Variants in HPSE2 observed in about 807,000 individuals in gnomAD.
HPSE2 encodes heparanase 2 (inactive).
A neutral mutation model predicts 60.5 loss-of-function variants in HPSE2; 38 were observed. The observed-to-expected ratio is 0.63, with a 90% confidence interval of 0.48 to 0.82. HPSE2 has a LOEUF of 0.82. Among genes scored for constraint, HPSE2 ranks in the 40% least tolerant of loss-of-function variants. The probability of loss-of-function intolerance (pLI) is 0.00; values close to 1 mark genes in which losing one functional copy is unlikely to be tolerated. For synonymous variants in HPSE2, 295 were observed against 293.2 expected (o/e 1.01, Z -0.06); for missense variants, 713 against 740.4 (o/e 0.96, Z 0.43).
chr10:98,745,544 A>G (rs982311259), intron 3 of HPSE2, among the ~76,000 whole-genome samples: 1 of 152,140 alleles, frequency 6.6e-6, no homozygotes, highest in Non-Finnish European at 1.5e-5. Context: ...AGGCCTCCCT[A>G]TTTCTCTTAA....
chr10:98,540,798 A>C (rs534706838), intron 9 of HPSE2, among the ~76,000 whole-genome samples: 1 of 152,206 alleles, frequency 6.6e-6, no homozygotes, highest in Non-Finnish European at 1.5e-5. Context: ...AGGAAACAGC[A>C]AATTTGAAGT....
At chr10:98,902,245 T>G (rs1190990142) in intron 3 of HPSE2, among the ~76,000 whole-genome samples, 2 of 152,136 alleles carry the variant, frequency 1.3e-5, no homozygotes, top group Non-Finnish European at 2.9e-5. Context: ...AGGAGGTATA[T>G]GAATAAAGGT....
intron 3 of HPSE2, among the ~76,000 whole-genome samples, chr10:99,076,261 A>C (rs1328196181): frequency 6.6e-6 from 1 of 152,086 alleles, no homozygotes; most frequent in African/African-American, 2.4e-5. Context: ...AATATCTTAT[A>C]GTTACAATAA....
At chr10:98,854,307 A>G (rs1952254577) in intron 3 of HPSE2, among the ~76,000 whole-genome samples, 1 of 152,322 alleles carries the variant, frequency 6.6e-6, no homozygotes, top group African/African-American at 2.4e-5. Context: ...AAGAGATTCA[A>G]TTATGAATTG....
chr10:98,604,553 G>A (rs961432615), intron 9 of HPSE2, among the ~76,000 whole-genome samples: 7 of 151,938 alleles, frequency 4.6e-5, no homozygotes, highest in South Asian at 2.1e-4. Context: ...GAAAGGAATC[G>A]AAGAAATAAT....
chr10:98,468,144 CCA>C (rs1443938479), intron 11 of HPSE2, among the ~76,000 whole-genome samples: 1 of 152,244 alleles, frequency 6.6e-6, no homozygotes, highest in African/African-American at 2.4e-5. Context: ...CCGAGGAGGC[CCA>C]GTCAGGTTTG....
At chr10:98,798,903 G>T (rs964035655) in intron 3 of HPSE2, among the ~76,000 whole-genome samples, 2 of 151,980 alleles carry the variant, frequency 1.3e-5, no homozygotes, top group Non-Finnish European at 2.9e-5. Context: ...AACATTGAAT[G>T]GAAAATGGAC....
intron 4 of HPSE2, 56 bp from the exon 5 acceptor site, chr10:98,721,884 C>T: frequency 1.4e-6 from 2 of 1,393,654 alleles, no homozygotes; most frequent in South Asian, 2.3e-5. Flanking sequence ...TCTGCCAACA[C>T]TTTCCTGTCC....
intron 2 of HPSE2, among the ~76,000 whole-genome samples, chr10:99,155,085 G>A (rs1846478360): frequency 7.0e-6 from 1 of 143,358 alleles, no homozygotes; most frequent in Non-Finnish European, 1.5e-5. Context: ...CAATACAGGA[G>A]CACCCAGATT....
At chr10:98,735,316 G>A (rs947189754) in intron 4 of HPSE2, among the ~76,000 whole-genome samples, 1 of 35,890 alleles carries the variant, frequency 2.8e-5, no homozygotes, top group East Asian at 5.2e-4. Flanking sequence ...CAGGTGCATA[G>A]AAGTCAAGAA....
intron 11 of HPSE2, among the ~76,000 whole-genome samples, chr10:98,461,552 G>C (rs1940291063): frequency 6.6e-6 from 1 of 152,200 alleles, no homozygotes; most frequent in South Asian, 2.1e-4. Flanking sequence ...AGTTACAAAA[G>C]AAGCCCAGAT....
chr10:98,616,341 C>T (rs1367197084), intron 8 of HPSE2, among the ~76,000 whole-genome samples: 2 of 152,178 alleles, frequency 1.3e-5, no homozygotes, highest in African/African-American at 4.8e-5. Context: ...ACACCCATCA[C>T]CATTCCTGGC....
rs1260982509 is a variant in HPSE2 at position 98,636,233 on chromosome 10, CTGTTTTTTTTTT to C, written c.1098+5602_1098+5613del. Reference sequence around the variant, plus strand: ...TGAAGTGATAAATGTGTGAATTATCCTGTTTTTTTTTTTGTTTTTTTTTTGAAACAGAGTCTC... The same window carrying C: ...TGAAGTGATAAATGTGTGAATTATCCTGTTTTTTTTTTGAAACAGAGTCTC... On this transcript the variant is annotated intron_variant, in intron 7 of 11. Transcript: ENST00000370552. Among the ~76,000 whole-genome samples the C allele has an allele frequency of 1.9e-3, 215 of 112,126 alleles. 2 individuals carry two copies. Among genetic ancestry groups the C allele is most frequent in the African/African-American group, 5.7e-3 (201 of 35,288 alleles). The allele number at this position is 112,126 out of a possible 152,430, so 73.6% of individuals were successfully genotyped here.
Position 98,630,195 on chromosome 10 carries a change from GT to G in HPSE2, c.1099-9488del, listed in dbSNP as rs149014315. Among the ~76,000 whole-genome samples the G allele has an allele frequency of 3.1e-3, 393 of 127,228 alleles. 1 individual carries two copies. Among genetic ancestry groups the G allele is most frequent in the South Asian group, 0.012 (48 of 3,940 alleles). The allele number at this position is 127,228 out of a possible 152,430, so 83.5% of individuals were successfully genotyped here. A position where few individuals can be genotyped will look rare whatever the true frequency, so the allele number is the denominator to read the frequency against. Reference sequence around the variant, plus strand: ...ACACGAAGCAATCGTTTTTTTTTTTGTTTTTTTTTTTTTTGTTTTTGAGACA... The same window carrying G: ...ACACGAAGCAATCGTTTTTTTTTTTGTTTTTTTTTTTTTGTTTTTGAGACA... On this transcript the variant is annotated intron_variant, in intron 7 of 11. Transcript: ENST00000370552.
intron 6 of HPSE2, among the ~76,000 whole-genome samples, chr10:98,689,017 A>G (rs141392071): frequency 1.4e-4 from 21 of 151,426 alleles, no homozygotes; most frequent in African/African-American, 5.1e-4. Flanking sequence ...TGCTTTAAAG[A>G]TTTTTACGTT....
chr10:98,882,440 T>C (rs1054426010), intron 3 of HPSE2, among the ~76,000 whole-genome samples: 1 of 152,032 alleles, frequency 6.6e-6, no homozygotes, highest in Non-Finnish European at 1.5e-5. Context: ...CTGCTGGATA[T>C]GGCTGAAATA....
At position 98,743,879 on chromosome 10, in the gene HPSE2, T is replaced by G; in HGVS notation, c.784+4A>C. On this transcript the variant is annotated splice_donor_region_variant and intron_variant, in intron 4 of 11. Transcript: ENST00000370552. The stretch of plus-strand genomic sequence containing the variant: ...AATTCAGAGGAAGTAACATCCTTAC[T>G]TACCATTACCCAGTTCCCAAGAAAT... 1 of 1,612,998 alleles carries G rather than the reference T, an allele frequency of 6.2e-7. No individual in the cohort carries two copies. Among genetic ancestry groups the G allele is most frequent in the Non-Finnish European group, 8.5e-7 (1 of 1,178,924 alleles).
At chr10:98,780,032 T>A (rs1022234355) in intron 3 of HPSE2, among the ~76,000 whole-genome samples, 1 of 152,142 alleles carries the variant, frequency 6.6e-6, no homozygotes, top group Non-Finnish European at 1.5e-5. Flanking sequence ...GAAAAATTTT[T>A]AAAAATTCCA....
intron 9 of HPSE2, among the ~76,000 whole-genome samples, chr10:98,574,220 C>T (rs1239724325): frequency 6.6e-6 from 1 of 151,996 alleles, no homozygotes; most frequent in African/African-American, 2.4e-5. Context: ...CAGTGTATGA[C>T]AAAAGGAGAG....
Sources: gnomAD v4.1 joint callset for allele counts (sites outside exome capture counted in the v4.1 genomes callset) on GRCh38, gnomAD v4.1.1 for gene constraint, MANE v1.5 for transcripts, NCBI Gene and HGNC (gene_info 2026-07-23, HGNC 2026-07-21) for gene names.